Variants in DPPA4 observed in about 807,000 individuals in gnomAD.
DPPA4 encodes developmental pluripotency associated 4.
DPPA4 carries 22 observed loss-of-function variants against 33.7 expected under a neutral mutation model. The ratio of observed to expected loss-of-function variants is 0.65; its 90% CI spans 0.47 to 0.93. The LOEUF (loss-of-function observed/expected upper bound fraction) is 0.93. DPPA4 is among the 40% of genes least tolerant of loss of function. DPPA4 has a pLI of 0.00. For synonymous variants in DPPA4, 156 were observed against 132.3 expected (o/e 1.18, Z -1.23); for missense variants, 340 against 358.6 (o/e 0.95, Z 0.42).
At chr3:109,334,019 C>A in intron 1 of DPPA4, 26 bp from the exon 2 acceptor site, 2 of 1,613,040 alleles carry the variant, frequency 1.2e-6, no homozygotes, top group South Asian at 2.2e-5. Flanking sequence ...GCTGGTCAGT[C>A]ATTCCTCTAG....
At chr3:109,330,300 CA>C (rs71129042) in intron 5 of DPPA4, 207 of 348,344 alleles carry the variant, frequency 5.9e-4, no homozygotes, top group African/African-American at 1.3e-3. Context: ...GAAACTGTCT[CA>C]AAAAAAAAAA....
chr3:109,335,689 C>T (rs1306082319), intron 1 of DPPA4, among the ~76,000 whole-genome samples: 1 of 151,922 alleles, frequency 6.6e-6, no homozygotes, highest in African/African-American at 2.4e-5. Flanking sequence ...CTCAGCCTCC[C>T]AAAGTGCTGG....
chr3:109,328,154 T>A (rs1229851863), intron 6 of DPPA4, 130 bp from the exon 7 acceptor site: 3 of 648,610 alleles, frequency 4.6e-6, no homozygotes, highest in Non-Finnish European at 8.2e-6. Context: ...AAGCCTGTGA[T>A]CCTGTCATTC....
rs1383917857 is a variant in DPPA4 at position 109,337,524 on chromosome 3, A to C, written c.-7T>G. On this transcript the variant is annotated 5_prime_UTR_variant, in exon 1 of 7. Coordinates refer to ENST00000335658, the MANE Select transcript of DPPA4 (RefSeq NM_018189.4). ...AAGCGGAGCCTCGCAACATGCTTCCAAAATGGCCCCTGCCCCAAGATTGCT... is the reference window on the plus strand; with the variant it reads ...AAGCGGAGCCTCGCAACATGCTTCCCAAATGGCCCCTGCCCCAAGATTGCT... 1 of 1,614,042 alleles carries C rather than the reference A, an allele frequency of 6.2e-7. No individual in the cohort carries two copies. The highest frequency in any genetic ancestry group is 8.5e-7 in the Non-Finnish European group (1 of 1,179,928).
intron 1 of DPPA4, among the ~76,000 whole-genome samples, chr3:109,335,144 A>C (rs1187255107): frequency 6.6e-6 from 1 of 152,134 alleles, no homozygotes; most frequent in East Asian, 1.9e-4. Context: ...CCTCACTTTC[A>C]TTTTTTTAAA....
In DPPA4 at chr3:109,330,513, G is replaced by C; in HGVS notation, c.679+11C>G. ...CATTGGACCAGAATAAGCTCTTCATGTTGCGCTTACCAGAGGCCTCTTGTG... is the reference window on the plus strand; with the variant it reads ...CATTGGACCAGAATAAGCTCTTCATCTTGCGCTTACCAGAGGCCTCTTGTG... On this transcript the variant is annotated intron_variant, in intron 5 of 6. Transcript: ENST00000335658. 1 of 1,613,336 alleles carries C rather than the reference G, an allele frequency of 6.2e-7. No individual in the cohort carries two copies. Among genetic ancestry groups the C allele is most frequent in the Non-Finnish European group, 8.5e-7 (1 of 1,179,532 alleles).
intron 1 of DPPA4, among the ~76,000 whole-genome samples, chr3:109,334,778 A>C (rs370048693): frequency 6.6e-6 from 1 of 152,128 alleles, no homozygotes; most frequent in African/African-American, 2.4e-5. Context: ...CTCCAGCCAC[A>C]TAATTCCTTT....
chr3:109,336,254 T>C (rs1263347588), intron 1 of DPPA4: 1 of 152,176 alleles, frequency 6.6e-6, no homozygotes, highest in Non-Finnish European at 1.5e-5. Context: ...CATTTTTACA[T>C]CTCTATAGCA....
chr3:109,336,804 T>C (rs956158650), intron 1 of DPPA4, among the ~76,000 whole-genome samples: 2 of 152,188 alleles, frequency 1.3e-5, no homozygotes, highest in Admixed American at 6.6e-5. Flanking sequence ...CGTTTGAGCC[T>C]GGGCGGTTAC....
In DPPA4 at chr3:109,326,413, G is replaced by A. The variant is rs572719708; in HGVS notation, c.*1575C>T. 3.9e-5 allele frequency: 6 copies of A among 151,916 alleles called. No homozygotes were observed. The highest frequency in any genetic ancestry group is 1.9e-4 in the East Asian group (1 of 5,196). 9.4% of individuals were successfully genotyped at this position (151,916 alleles called of 1,614,324 possible). A position where few individuals can be genotyped will look rare whatever the true frequency, so the allele number is the denominator to read the frequency against. ...ATTCTGACCACCAACAACCAACGGC[G>A]GGGGCGGGCAGGAGAGAAGAACATC... On this transcript the variant is annotated 3_prime_UTR_variant, in exon 7 of 7. Coordinates refer to ENST00000335658, the MANE Select transcript of DPPA4 (RefSeq NM_018189.4).
chr3:109,335,004 T>C (rs1052662980), intron 1 of DPPA4, among the ~76,000 whole-genome samples: 5 of 152,212 alleles, frequency 3.3e-5, no homozygotes, highest in African/African-American at 9.6e-5. Flanking sequence ...TTTTTCATCA[T>C]AGGCACTCAA....
intron 4 of DPPA4, among the ~76,000 whole-genome samples, chr3:109,331,530 C>G (rs1422253950): frequency 1.5e-4 from 13 of 87,194 alleles, no homozygotes; most frequent in African/African-American, 6.3e-4. Context: ...GGTGACAGTG[C>G]AAGACTCTGT....
At position 109,326,875 on chromosome 3, in the gene DPPA4, CTTGAG is replaced by C. The variant is rs1187910169; in HGVS notation, c.*1108_*1112del. On this transcript the variant is annotated 3_prime_UTR_variant, in exon 7 of 7. Transcript: ENST00000335658. The stretch of plus-strand genomic sequence containing the variant: ...AATCACACTTTTTGGTTTACTCCTA[CTTGAG>C]TTAAGAACACTAACAATAAAATTTG... The C allele has an allele frequency of 1.3e-5, 2 of 152,126 alleles. No individual in the cohort carries two copies. Among genetic ancestry groups the C allele is most frequent in the African/African-American group, 4.8e-5 (2 of 41,432 alleles). The allele number at this position is 152,126 out of a possible 1,614,324, so 9.4% of individuals were successfully genotyped here. A position where few individuals can be genotyped will look rare whatever the true frequency, so the allele number is the denominator to read the frequency against.
intron 2 of DPPA4, chr3:109,333,630 G>GAA (rs1708131367): frequency 6.6e-6 from 2 of 304,746 alleles, no homozygotes; most frequent in Non-Finnish European, 6.0e-6. Flanking sequence ...GCAAGTGAAG[G>GAA]AAAAAATGAT....
At chr3:109,332,120 T>C (rs1450674416) in intron 2 of DPPA4, 89 bp from the exon 3 acceptor site, 2 of 1,285,334 alleles carry the variant, frequency 1.6e-6, no homozygotes, top group Non-Finnish European at 2.1e-6. Context: ...TTTTCTTTTT[T>C]GAGACAGAAT....
chr3:109,328,834 T>G (rs1707990666), intron 6 of DPPA4, 56 bp downstream of exon 6: 1 of 1,496,230 alleles, frequency 6.7e-7, no homozygotes, highest in Admixed American at 1.9e-5. Context: ...CTTAACTTTC[T>G]GCAATTGAAA....
chr3:109,334,351 A>T (rs1220420955), intron 1 of DPPA4, among the ~76,000 whole-genome samples: 1 of 152,174 alleles, frequency 6.6e-6, no homozygotes, highest in African/African-American at 2.4e-5. Flanking sequence ...ACTGGATACC[A>T]GCCTGAGCAA....
intron 6 of DPPA4, 48 bp from the exon 7 acceptor site, chr3:109,328,072 T>TA: frequency 8.0e-7 from 1 of 1,254,064 alleles, no homozygotes; most frequent in Non-Finnish European, 1.2e-6. Context: ...GAAGAAATAT[T>TA]AAAAATAGCC....
Position 109,331,999 on chromosome 3 carries a change from C to CA in DPPA4, c.210dup (p.Asp71Ter), listed in dbSNP as rs1328038139. 3 of 1,613,982 alleles carry CA rather than the reference C, an allele frequency of 1.9e-6. No individual in the cohort carries two copies. The highest frequency in any genetic ancestry group is 2.5e-6 in the Non-Finnish European group (3 of 1,179,920). ...ATCTTCTTCTGAGGTCTGGGGTTGT[C>CA]AGTGTGCTCTGCCTTTTTCTTAGGG... On this transcript the variant is annotated frameshift_variant, in exon 3 of 7. Transcript: ENST00000335658. LOFTEE classifies it high-confidence loss of function.
Sources: allele counts gnomAD v4.1 joint callset (sites outside exome capture counted in the v4.1 genomes callset), GRCh38; gene constraint gnomAD v4.1.1; transcripts MANE v1.5; gene names NCBI Gene and HGNC (gene_info 2026-07-23, HGNC 2026-07-21).